Variants in GRM8 observed in about 807,000 individuals in gnomAD.
The protein encoded by GRM8 is glutamate metabotropic receptor 8.
Under a neutral mutation model 87.2 loss-of-function variants are expected in GRM8, and 47 were observed. The observed-to-expected ratio is 0.54, with a 90% CI of 0.43 to 0.69. The LOEUF (loss-of-function observed/expected upper bound fraction) is 0.69, where lower values mean the gene tolerates loss of function less well. GRM8 is among the 30% of genes least tolerant of loss of function. The pLI, the probability that GRM8 is intolerant of heterozygous loss-of-function variation, is 0.00. For synonymous variants in GRM8, 396 were observed against 404.5 expected, an observed-to-expected ratio of 0.98 and a Z score of 0.25; for missense variants, 1,019 against 1,139.2, an observed-to-expected ratio of 0.89 and a Z score of 1.52.
intron 7 of GRM8, among the ~76,000 whole-genome samples, chr7:126,611,818 T>A (rs1585218413): frequency 6.6e-6 from 1 of 152,358 alleles, no homozygotes; most frequent in East Asian, 1.9e-4. Flanking sequence ...GCTGTTTCTA[T>A]ATCCAAGTCA....
intron 8 of GRM8, among the ~76,000 whole-genome samples, chr7:126,551,372 C>G (rs974078203): frequency 6.6e-6 from 1 of 152,144 alleles, no homozygotes; most frequent in Non-Finnish European, 1.5e-5. Flanking sequence ...TGCTGGTTCA[C>G]TATTCTTGTT....
intron 2 of GRM8, among the ~76,000 whole-genome samples, chr7:127,173,221 AAAT>A (rs1203402683): frequency 2.0e-5 from 3 of 152,224 alleles, no homozygotes; most frequent in African/African-American, 7.2e-5. Flanking sequence ...CTATAGAAAA[AAAT>A]AATGAATTCA....
At chr7:126,613,905 C>G (rs1378917367) in intron 7 of GRM8, among the ~76,000 whole-genome samples, 2 of 152,228 alleles carry the variant, frequency 1.3e-5, no homozygotes, top group Non-Finnish European at 1.5e-5. Flanking sequence ...GTGGAACCTA[C>G]TGCAGCTCAA....
intron 8 of GRM8, among the ~76,000 whole-genome samples, chr7:126,573,557 T>C (rs1794865173): frequency 6.6e-6 from 1 of 151,384 alleles, no homozygotes; most frequent in Non-Finnish European, 1.5e-5. Context: ...AGTAAACAAA[T>C]TCTTACCTTT....
At chr7:126,867,371 G>GA (rs1346706624) in intron 6 of GRM8, among the ~76,000 whole-genome samples, 6 of 152,044 alleles carry the variant, frequency 3.9e-5, no homozygotes, top group Non-Finnish European at 4.4e-5. Flanking sequence ...TACAAGAAAA[G>GA]AAAAAAAGTA....
chr7:126,651,581 G>A (rs1803875515), intron 7 of GRM8, among the ~76,000 whole-genome samples: 1 of 152,130 alleles, frequency 6.6e-6, no homozygotes, highest in South Asian at 2.1e-4. Context: ...TCGCCTAGAG[G>A]TCTTAGTTCC....
chr7:127,122,527 T>TA (rs945841806), intron 2 of GRM8, among the ~76,000 whole-genome samples: 3 of 151,944 alleles, frequency 2.0e-5, no homozygotes, highest in Non-Finnish European at 4.4e-5. Flanking sequence ...GTCTGTCTTT[T>TA]AAAAAAATAC....
At chr7:127,020,051 A>G (rs1419437) in intron 3 of GRM8, among the ~76,000 whole-genome samples, 54,377 of 152,008 alleles carry the variant, frequency 0.36, 10,260 homozygotes, top group Non-Finnish European at 0.42. Flanking sequence ...AGTGTAACAC[A>G]AAAAGTGAGT....
At chr7:127,028,105 G>C (rs905343444) in intron 3 of GRM8, among the ~76,000 whole-genome samples, 8 of 152,146 alleles carry the variant, frequency 5.3e-5, no homozygotes, top group African/African-American at 1.9e-4. Context: ...TTTTGTCATT[G>C]GTTCTGTTTA....
At chr7:126,559,983 G>A (rs1793540558) in intron 8 of GRM8, among the ~76,000 whole-genome samples, 1 of 152,144 alleles carries the variant, frequency 6.6e-6, no homozygotes, top group African/African-American at 2.4e-5. Context: ...GAGAAAGCTG[G>A]ACTGACAAAT....
intron 6 of GRM8, among the ~76,000 whole-genome samples, chr7:126,835,980 T>C (rs1795796170): frequency 6.6e-6 from 1 of 152,226 alleles, no homozygotes; most frequent in African/African-American, 2.4e-5. Flanking sequence ...GAGAAAAAGC[T>C]GACAATCAGT....
chr7:126,997,950 C>T (rs1813344352), intron 3 of GRM8, among the ~76,000 whole-genome samples: 1 of 151,864 alleles, frequency 6.6e-6, no homozygotes, highest in South Asian at 2.1e-4. Flanking sequence ...TATCCTGATA[C>T]CAAAATCAGA....
In GRM8 at chr7:127,165,141, GATATATATATATATATATAT is replaced by G. The variant is rs3993578; in HGVS notation, c.511-58449_511-58430del. On this transcript the variant is annotated intron_variant, in intron 2 of 10. Coordinates refer to ENST00000339582, the MANE Select transcript of GRM8 (RefSeq NM_000845.3). ...GAGGCAGATAATAAACATGTAAACA[GATATATATATATATATATAT>G]ATATATATATATATATATATATATA... Among the ~76,000 whole-genome samples, 171 of 67,436 alleles carry G rather than the reference GATATATATATATATATATAT, an allele frequency of 2.5e-3. 2 individuals carry two copies. Among genetic ancestry groups the G allele is most frequent in the Middle Eastern group, 0.018 (2 of 114 alleles). The allele number at this position is 67,436 out of a possible 152,430, so 44.2% of individuals were successfully genotyped here. A position where few individuals can be genotyped will look rare whatever the true frequency, so the allele number is the denominator to read the frequency against.
intron 8 of GRM8, among the ~76,000 whole-genome samples, chr7:126,540,810 T>C (rs1432839001): frequency 5.9e-5 from 9 of 152,150 alleles, no homozygotes. Context: ...TCTTGGATGA[T>C]GATGAAAATG....
At chr7:127,145,965 T>A (rs1424646066) in intron 2 of GRM8, among the ~76,000 whole-genome samples, 2 of 151,940 alleles carry the variant, frequency 1.3e-5, no homozygotes, top group Non-Finnish European at 2.9e-5. Flanking sequence ...TGAGAAACAC[T>A]TTTTTTGGTC....
intron 9 of GRM8, among the ~76,000 whole-genome samples, chr7:126,459,827 A>G (rs1426903319): frequency 1.3e-5 from 2 of 151,446 alleles, no homozygotes. Flanking sequence ...AAGGGTGGAA[A>G]GCATAAGACA....
chr7:127,236,150 A>T (rs17868476), intron 2 of GRM8, among the ~76,000 whole-genome samples: 1 of 152,256 alleles, frequency 6.6e-6, no homozygotes, highest in African/African-American at 2.4e-5. Context: ...TTTTTGGTGT[A>T]TGGTGAAAAC....
chr7:127,129,898 G>A (rs1827582666), intron 2 of GRM8, among the ~76,000 whole-genome samples: 1 of 152,144 alleles, frequency 6.6e-6, no homozygotes, highest in South Asian at 2.1e-4. Context: ...AGGTCAGGAA[G>A]AACGATATGG....
chr7:126,969,462 C>T (rs1810197672), intron 3 of GRM8, among the ~76,000 whole-genome samples: 1 of 152,152 alleles, frequency 6.6e-6, no homozygotes, highest in Non-Finnish European at 1.5e-5. Flanking sequence ...GAGTAGATTC[C>T]ACCTCAAGAA....
Sources: allele counts gnomAD v4.1 joint callset (sites outside exome capture counted in the v4.1 genomes callset), GRCh38; gene constraint gnomAD v4.1.1; transcripts MANE v1.5; gene names NCBI Gene and HGNC (gene_info 2026-07-23, HGNC 2026-07-21).